The following ZNF138 variants were observed in gnomAD, a reference collection of about 807,000 sequenced individuals.
ZNF138 encodes the protein zinc finger protein 138 (clone pHZ-32).
Under a neutral mutation model 33.0 loss-of-function variants are expected in ZNF138, and 33 were observed. That is an observed-to-expected ratio of 1.00 (90% CI 0.76 to 1.34). The LOEUF (loss-of-function observed/expected upper bound fraction) is 1.34, where lower values mean the gene tolerates loss of function less well. Among genes scored for constraint, ZNF138 ranks in the 40% most tolerant of loss-of-function variants. The pLI is 0.00. For missense variants in ZNF138, 360 were observed against 370.8 expected, an observed-to-expected ratio of 0.97 and a Z score of 0.24; for synonymous variants, 139 against 120.4, an observed-to-expected ratio of 1.15 and a Z score of -1.01.
the ZNF138 span, among the ~76,000 whole-genome samples, chr7:64,854,091 G>A: frequency 6.6e-6 from 1 of 151,936 alleles, no homozygotes; most frequent in African/African-American, 2.4e-5. Context: ...AACAAAAATT[G>A]AATAATTGGT....
intron 1 of ZNF138, among the ~76,000 whole-genome samples, chr7:64,812,442 G>T (rs1788253873): frequency 6.6e-6 from 1 of 152,128 alleles, no homozygotes; most frequent in African/African-American, 2.4e-5. Context: ...TTACAGGTGT[G>T]ATCCACTGTG....
At chr7:64,839,989 G>A in the ZNF138 span, among the ~76,000 whole-genome samples, 33 of 152,136 alleles carry the variant, frequency 2.2e-4, no homozygotes, top group Middle Eastern at 0.014. Flanking sequence ...TGAGGAGTGG[G>A]CGGGGTAGGG....
Position 64,832,558 on chromosome 7 carries a change from T to A in ZNF138, c.*356T>A. On this transcript the variant is annotated 3_prime_UTR_variant, in exon 4 of 4. Coordinates refer to ENST00000307355, the MANE Select transcript of ZNF138 (RefSeq NM_001271639.2). Reference sequence around the variant, plus strand: ...TCCTCAACTCTTATTACACATAAGATAATTCACAGTGGAGAAAAACCCTAC... The same window carrying A: ...TCCTCAACTCTTATTACACATAAGAAAATTCACAGTGGAGAAAAACCCTAC... 1 of 590,636 alleles carries A rather than the reference T, an allele frequency of 1.7e-6. No individual in the cohort carries two copies. Among genetic ancestry groups the A allele is most frequent in the Non-Finnish European group, 2.9e-6 (1 of 346,236 alleles). 36.6% of individuals were successfully genotyped at this position (590,636 alleles called of 1,614,324 possible). A position where few individuals can be genotyped will look rare whatever the true frequency, so the allele number is the denominator to read the frequency against.
chr7:64,807,340 G>C (rs1016325870), intron 1 of ZNF138, among the ~76,000 whole-genome samples: 3 of 152,102 alleles, frequency 2.0e-5, no homozygotes, highest in Admixed American at 6.5e-5. Flanking sequence ...CCCTCTTTTT[G>C]CCTTTACAAA....
In ZNF138 at chr7:64,794,501, T is replaced by C; in HGVS notation, c.-68T>C. ...CTCTTACTCCTAGAGGCCCAGCCTC[T>C]GTGGCGCTGTGATCTGGTTATTGGG... is the stretch of plus-strand genomic sequence containing the variant. On this transcript the variant is annotated 5_prime_UTR_variant, in exon 1 of 4. Coordinates refer to ENST00000307355, the MANE Select transcript of ZNF138 (RefSeq NM_001271639.2). The C allele has an allele frequency of 6.2e-7, 1 of 1,608,460 alleles. No homozygotes were observed. Among genetic ancestry groups the C allele is most frequent in the Non-Finnish European group, 8.5e-7 (1 of 1,176,206 alleles).
intron 1 of ZNF138, among the ~76,000 whole-genome samples, chr7:64,800,764 T>TC (rs1787077907): frequency 6.6e-6 from 1 of 152,148 alleles, no homozygotes; most frequent in South Asian, 2.1e-4. Flanking sequence ...TGGTACCAGC[T>TC]CTTTTTTTTA....
At chr7:64,815,545 A>G in intron 2 of ZNF138, 31 bp from the exon 3 acceptor site, 1 of 1,589,072 alleles carries the variant, frequency 6.3e-7, no homozygotes. Flanking sequence ...ACTTATTTTT[A>G]ATAAAACAAG....
At chr7:64,824,805 T>C (rs897491719) in intron 3 of ZNF138, among the ~76,000 whole-genome samples, 1 of 152,142 alleles carries the variant, frequency 6.6e-6, no homozygotes, top group Admixed American at 6.5e-5. Flanking sequence ...ACTATTTGCA[T>C]AGAATAAAGA....
chr7:64,857,909 T>C, the ZNF138 span, among the ~76,000 whole-genome samples: 3 of 152,182 alleles, frequency 2.0e-5, no homozygotes. Flanking sequence ...TGGATACCTA[T>C]ATAAAATACA....
chr7:64,834,212 T>C (rs1583911593), downstream of ZNF138, among the ~76,000 whole-genome samples: 1 of 152,124 alleles, frequency 6.6e-6, no homozygotes, highest in African/African-American at 2.4e-5. Context: ...ACAAATGTAA[T>C]ACATTTCAAA....
rs772444347 is a variant in ZNF138, at chr7:64,831,563, A to T, written c.321A>T (p.Leu107Phe). ...YGKYGHKNLQ[L>F]RKGCKSVDEC... is the part of the protein sequence containing the mutation. ...AATATGGACATAAGAATTTACAGTT[A>T]AGAAAAGGCTGTAAAAGTGTGGATG... Residue 107 changes from leucine (L) to phenylalanine (F), a missense_variant, in exon 4 of 4, where the codon TTA (leucine) becomes TTT (phenylalanine). Coordinates refer to ENST00000307355, the MANE Select transcript of ZNF138 (RefSeq NM_001271639.2). The T allele has an allele frequency of 1.2e-6, 2 of 1,613,568 alleles. No homozygotes were observed. Among genetic ancestry groups the T allele is most frequent in the South Asian group, 2.2e-5 (2 of 90,904 alleles).
the ZNF138 span, among the ~76,000 whole-genome samples, chr7:64,848,168 C>A: frequency 6.6e-6 from 1 of 151,224 alleles, no homozygotes; most frequent in Non-Finnish European, 1.5e-5. Flanking sequence ...TTTAAAGAGA[C>A]TAATGTCCCA....
At chr7:64,854,137 A>T in the ZNF138 span, among the ~76,000 whole-genome samples, 1 of 152,248 alleles carries the variant, frequency 6.6e-6, no homozygotes, top group Admixed American at 6.5e-5. Flanking sequence ...GTGAATGTAT[A>T]AAATGGTACA....
downstream of ZNF138, chr7:64,833,771 C>CT (rs796560420): frequency 2.0e-4 from 30 of 152,222 alleles, no homozygotes; most frequent in African/African-American, 6.7e-4. Flanking sequence ...CTCTCCCAGG[C>CT]TGGAGTGCAC....
the ZNF138 span, among the ~76,000 whole-genome samples, chr7:64,840,436 T>C: frequency 4.0e-5 from 6 of 150,992 alleles, no homozygotes; most frequent in Non-Finnish European, 8.8e-5. Flanking sequence ...AAACTTATTT[T>C]TCTCAATTTT....
rs1329289634 is a variant in ZNF138, at chr7:64,831,971, A to G, written c.729A>G (p.Ile243Met). 5 of 1,613,434 alleles carry G rather than the reference A, an allele frequency of 3.1e-6. No homozygotes were observed. The highest frequency in any genetic ancestry group is 3.4e-6 in the Non-Finnish European group (4 of 1,179,694). ...HQSSILTKHKIIRTGEKPYKC... is the reference protein window; with the variant it reads ...HQSSILTKHKMIRTGEKPYKC... ...CCTCAATCCTTACTAAACATAAGATAATTCGTACTGGAGAAAAACCCTATA... is the reference window on the plus strand; with the variant it reads ...CCTCAATCCTTACTAAACATAAGATGATTCGTACTGGAGAAAAACCCTATA... Residue 243 changes from isoleucine (I) to methionine (M), a missense_variant, in exon 4 of 4, where the codon ATA becomes ATG. Coordinates refer to ENST00000307355, the MANE Select transcript of ZNF138 (RefSeq NM_001271639.2).
chr7:64,817,240 G>A (rs1373910360), intron 3 of ZNF138, among the ~76,000 whole-genome samples: 2 of 152,074 alleles, frequency 1.3e-5, no homozygotes, highest in African/African-American at 4.8e-5. Flanking sequence ...AGGCCTGCCT[G>A]CATGGCGGTA....
chr7:64,812,611 A>G (rs190211212), intron 1 of ZNF138, among the ~76,000 whole-genome samples: 15 of 152,140 alleles, frequency 9.9e-5, no homozygotes, highest in Admixed American at 5.9e-4. Flanking sequence ...AGAAACTTGT[A>G]TTATTATTTC....
intron 3 of ZNF138, among the ~76,000 whole-genome samples, chr7:64,830,562 A>T (rs1368424028): frequency 6.6e-6 from 1 of 152,012 alleles, no homozygotes; most frequent in Non-Finnish European, 1.5e-5. Context: ...ACATCAGGTC[A>T]TCTCCCCACC....
Sources: allele counts gnomAD v4.1 joint callset (sites outside exome capture counted in the v4.1 genomes callset), GRCh38; gene constraint gnomAD v4.1.1; transcripts MANE v1.5; gene names NCBI Gene and HGNC (gene_info 2026-07-23, HGNC 2026-07-21).